The following ATG10 variants were observed in gnomAD, a reference collection of about 807,000 sequenced individuals.
The protein encoded by ATG10 is autophagy related 10.
Under a neutral mutation model 32.1 loss-of-function variants are expected in ATG10, and 30 were observed. The observed-to-expected ratio is 0.94, with a 90% confidence interval of 0.70 to 1.27. The LOEUF is 1.27. ATG10 is among the 50% of genes most tolerant of loss of function. The pLI is 0.00. For missense variants in ATG10, 233 were observed against 262.3 expected, an observed-to-expected ratio of 0.89 and a Z score of 0.77; for synonymous variants, 87 against 91.5, an observed-to-expected ratio of 0.95 and a Z score of 0.28.
At chr5:82,233,320 A>G (rs1217508965) in intron 5 of ATG10, among the ~76,000 whole-genome samples, 1 of 152,214 alleles carries the variant, frequency 6.6e-6, no homozygotes, top group Non-Finnish European at 1.5e-5. Context: ...AAAATGACTA[A>G]CGAATTGCCC....
chr5:82,219,790 T>C (rs1277190070), intron 5 of ATG10, among the ~76,000 whole-genome samples: 1 of 152,234 alleles, frequency 6.6e-6, no homozygotes, highest in Non-Finnish European at 1.5e-5. Context: ...TAATTACTTA[T>C]GGACTTATTA....
rs1396315512 is a variant in ATG10 at position 81,972,050 on chromosome 5, G to A, written c.-269G>A. The A allele has an allele frequency of 2.0e-5, 3 of 152,272 alleles. No homozygotes were observed. The highest frequency in any genetic ancestry group is 7.2e-5 in the African/African-American group (3 of 41,468). 9.4% of individuals were successfully genotyped at this position (152,272 alleles called of 1,614,324 possible). ...AGTGCGCACGCTCCGACTCGGCCGT[G>A]GCGGACCTGACTGAAGGAGGCCGCG... On this transcript the variant is annotated 5_prime_UTR_variant, in exon 1 of 8. Transcript: ENST00000282185.
rs545998041 is a variant in ATG10 at position 82,118,893 on chromosome 5, A to G, written c.217-45506A>G. On this transcript the variant is annotated intron_variant, in intron 3 of 7. Transcript: ENST00000282185. ...AGGGTTTTAGGAGAAAAATCTGGGGATAATATTGTCATCAAAGAGAAAAGA... is the reference window on the plus strand; with the variant it reads ...AGGGTTTTAGGAGAAAAATCTGGGGGTAATATTGTCATCAAAGAGAAAAGA... Among the ~76,000 whole-genome samples, 8 of 152,284 alleles carry G rather than the reference A, an allele frequency of 5.3e-5. 1 individual carries two copies. In the South Asian group the frequency reaches 1.7e-3, roughly 32 times the overall value.
intron 3 of ATG10, among the ~76,000 whole-genome samples, chr5:82,140,658 G>A (rs1164942949): frequency 1.9e-5 from 1 of 52,714 alleles, no homozygotes. Context: ...GGGCGCCTCT[G>A]CCCGGCCGCC....
At chr5:82,239,201 T>A (rs1746686888) in intron 5 of ATG10, among the ~76,000 whole-genome samples, 1 of 152,120 alleles carries the variant, frequency 6.6e-6, no homozygotes, top group Non-Finnish European at 1.5e-5. Context: ...GAGAATGGTG[T>A]CCCTACAGTG....
At chr5:82,040,721 T>G (rs944892144) in intron 2 of ATG10, among the ~76,000 whole-genome samples, 5 of 152,208 alleles carry the variant, frequency 3.3e-5, no homozygotes, top group African/African-American at 1.2e-4. Context: ...TGATTTTACT[T>G]GTTGAAGAAA....
chr5:82,118,887 C>G lies in ATG10; in HGVS notation c.217-45512C>G, dbSNP rs73768632. On this transcript the variant is annotated intron_variant, in intron 3 of 7. Coordinates refer to ENST00000282185, the MANE Select transcript of ATG10 (RefSeq NM_031482.5). Reference sequence around the variant, plus strand: ...ATGCCCAGGGTTTTAGGAGAAAAATCTGGGGATAATATTGTCATCAAAGAG... The same window carrying G: ...ATGCCCAGGGTTTTAGGAGAAAAATGTGGGGATAATATTGTCATCAAAGAG... 9.1e-3 allele frequency among the ~76,000 whole-genome samples: 1,390 copies of G among 152,158 alleles called. 22 individuals are homozygous for G. Among genetic ancestry groups the G allele is most frequent in the African/African-American group, 0.031 (1,282 of 41,498 alleles).
intron 2 of ATG10, among the ~76,000 whole-genome samples, chr5:82,020,479 C>T (rs1046828494): frequency 3.3e-5 from 5 of 152,116 alleles, no homozygotes; most frequent in African/African-American, 1.2e-4. Flanking sequence ...ACATAATAAA[C>T]CATTCCAAAC....
intron 1 of ATG10, among the ~76,000 whole-genome samples, chr5:81,981,768 C>T (rs1350724126): frequency 6.6e-6 from 1 of 151,972 alleles, no homozygotes; most frequent in Admixed American, 6.5e-5. Flanking sequence ...TCAACGTCTC[C>T]AACTAAAACA....
intron 3 of ATG10, among the ~76,000 whole-genome samples, chr5:82,128,618 C>T (rs1020418427): frequency 4.7e-5 from 7 of 150,456 alleles, no homozygotes; most frequent in South Asian, 2.1e-4. Flanking sequence ...TATTGGCCCC[C>T]ACTCTCTTCT....
At chr5:82,215,780 T>C (rs930937573) in intron 5 of ATG10, among the ~76,000 whole-genome samples, 1 of 151,660 alleles carries the variant, frequency 6.6e-6, no homozygotes, top group African/African-American at 2.4e-5. Flanking sequence ...CTACTAAAAA[T>C]ACAAAAAATT....
At chr5:82,098,297 ATTG>A (rs1175283859) in intron 3 of ATG10, among the ~76,000 whole-genome samples, 2 of 138,842 alleles carry the variant, frequency 1.4e-5, no homozygotes, top group East Asian at 2.1e-4. Flanking sequence ...TATTGTTAAT[ATTG>A]TTGTTGGGTT....
chr5:82,039,898 G>C (rs1763032375), intron 2 of ATG10, among the ~76,000 whole-genome samples: 1 of 152,204 alleles, frequency 6.6e-6, no homozygotes, highest in African/African-American at 2.4e-5. Context: ...TCACTTGGTA[G>C]TGTTCACTTG....
intron 2 of ATG10, among the ~76,000 whole-genome samples, chr5:82,052,391 G>A (rs767488486): frequency 6.6e-6 from 1 of 152,100 alleles, no homozygotes; most frequent in Non-Finnish European, 1.5e-5. Flanking sequence ...CATCCAAAAT[G>A]CAATCGGCAC....
At chr5:82,205,249 G>A (rs1440000670) in intron 5 of ATG10, among the ~76,000 whole-genome samples, 1 of 152,150 alleles carries the variant, frequency 6.6e-6, no homozygotes, top group Non-Finnish European at 1.5e-5. Context: ...AGCAGAATGT[G>A]GTTTGATGCC....
In ATG10 at chr5:82,109,698, GA is replaced by G. The variant is rs571835440; in HGVS notation, c.216+51099del. On this transcript the variant is annotated intron_variant, in intron 3 of 7. Transcript: ENST00000282185. ...ATAACCACAATACATTAGATAACCA[GA>G]AATAGAATTTTCTTCCCTTTCTAAT... 1.1e-4 allele frequency among the ~76,000 whole-genome samples: 16 copies of G among 151,704 alleles called. 2 individuals carry two copies. The East Asian group carries it at 3.1e-3, about 29-fold the overall frequency.
intron 2 of ATG10, chr5:81,992,065 A>C (rs1393381456): frequency 6.6e-6 from 1 of 152,038 alleles, no homozygotes; most frequent in Admixed American, 6.6e-5. Flanking sequence ...ATCATGGCTC[A>C]CTGCAGCCTT....
At chr5:82,163,441 C>T (rs1743446443) in intron 3 of ATG10, among the ~76,000 whole-genome samples, 2 of 152,172 alleles carry the variant, frequency 1.3e-5, no homozygotes, top group Non-Finnish European at 2.9e-5. Flanking sequence ...CTTATCTCCA[C>T]AGGAAACCTT....
intron 2 of ATG10, among the ~76,000 whole-genome samples, chr5:82,021,490 T>TA (rs1419006652): frequency 1.3e-5 from 2 of 152,232 alleles, no homozygotes; most frequent in African/African-American, 4.8e-5. Context: ...CAATACCTGA[T>TA]ACAGTGTAAA....
Sources: allele counts gnomAD v4.1 joint callset (sites outside exome capture counted in the v4.1 genomes callset), GRCh38; gene constraint gnomAD v4.1.1; transcripts MANE v1.5; gene names NCBI Gene and HGNC (gene_info 2026-07-23, HGNC 2026-07-21).